Variants in XKR6 observed in about 807,000 individuals in gnomAD.
The protein encoded by XKR6 is XK related 6, also known as XK-related protein 6.
A neutral mutation model predicts 56.7 loss-of-function variants in XKR6; 22 were observed. The observed-to-expected ratio is 0.39, with a 90% CI of 0.28 to 0.55. XKR6 has a LOEUF of 0.55. Ranked by LOEUF, XKR6 falls within the 20% of genes least tolerant of loss-of-function variation. The pLI is 0.66. For missense variants in XKR6, 852 were observed against 889.0 expected (o/e 0.96, Z 0.53); for synonymous variants, 524 against 387.8 (o/e 1.35, Z -4.13).
At chr8:10,941,936 C>G (rs950520818) in intron 1 of XKR6, among the ~76,000 whole-genome samples, 1 of 152,226 alleles carries the variant, frequency 6.6e-6, no homozygotes, top group East Asian at 1.9e-4. Context: ...CACTCCGACC[C>G]CTTTGTGGCC....
At chr8:11,048,757 G>A (rs2129158789) in intron 1 of XKR6, among the ~76,000 whole-genome samples, 1 of 152,272 alleles carries the variant, frequency 6.6e-6, no homozygotes, top group Non-Finnish European at 1.5e-5. Flanking sequence ...TGAAGCCCCA[G>A]ACCTCCCGGT....
At chr8:11,090,390 A>G (rs1054832640) in intron 1 of XKR6, among the ~76,000 whole-genome samples, 6 of 144,384 alleles carry the variant, frequency 4.2e-5, no homozygotes, top group African/African-American at 1.6e-4. Flanking sequence ...ACCCACTTCC[A>G]GTCGCTTTTT....
intron 1 of XKR6, among the ~76,000 whole-genome samples, chr8:11,024,845 A>G (rs751323539): frequency 6.6e-6 from 1 of 152,248 alleles, no homozygotes; most frequent in Non-Finnish European, 1.5e-5. Flanking sequence ...AACTTCCAGA[A>G]GTGGACCATC....
intron 1 of XKR6, among the ~76,000 whole-genome samples, chr8:11,030,159 C>G (rs1259709492): frequency 6.6e-6 from 1 of 152,208 alleles, no homozygotes; most frequent in African/African-American, 2.4e-5. Flanking sequence ...AGTCCACCCC[C>G]TCTCTGTTGC....
At chr8:10,908,845 T>C (rs1392677912) in intron 2 of XKR6, among the ~76,000 whole-genome samples, 1 of 152,130 alleles carries the variant, frequency 6.6e-6, no homozygotes, top group African/African-American at 2.4e-5. Flanking sequence ...GGGTTGTTTA[T>C]CCAGGGAGTG....
At chr8:10,977,466 C>T (rs1300056706) in intron 1 of XKR6, among the ~76,000 whole-genome samples, 4 of 151,642 alleles carry the variant, frequency 2.6e-5, no homozygotes, top group African/African-American at 9.7e-5. Flanking sequence ...GTAAGTCCCC[C>T]GCCACTGGAG....
chr8:11,123,239 GA>G (rs58175998), intron 1 of XKR6: 20,965 of 89,888 alleles, frequency 0.23, 4,110 homozygotes, highest in African/African-American at 0.53. Context: ...TGTGTAGAAG[GA>G]AAAAAAAAAA....
At chr8:11,010,258 C>A (rs926587612) in intron 1 of XKR6, among the ~76,000 whole-genome samples, 2 of 152,198 alleles carry the variant, frequency 1.3e-5, no homozygotes, top group Non-Finnish European at 2.9e-5. Flanking sequence ...GGGAAGTCCA[C>A]CCCCATGATC....
intron 1 of XKR6, among the ~76,000 whole-genome samples, chr8:11,103,062 CA>C (rs1027903888): frequency 6.6e-6 from 1 of 151,970 alleles, no homozygotes; most frequent in Non-Finnish European, 1.5e-5. Context: ...ATATATTATA[CA>C]TAACACTAGT....
intron 1 of XKR6, among the ~76,000 whole-genome samples, chr8:11,077,207 T>A (rs1362599823): frequency 6.6e-6 from 1 of 152,076 alleles, no homozygotes; most frequent in African/African-American, 2.4e-5. Context: ...AAGCATTGTG[T>A]CCAGCTGCCG....
At chr8:10,904,934 G>A (rs1033921929) in intron 2 of XKR6, among the ~76,000 whole-genome samples, 22 of 152,146 alleles carry the variant, frequency 1.4e-4, no homozygotes, top group African/African-American at 4.8e-4. Context: ...CAGCCCCACC[G>A]CTAAGTCATG....
chr8:11,092,519 G>C lies in XKR6; in HGVS notation c.764+108057C>G, dbSNP rs1366202109. On this transcript the variant is annotated intron_variant, in intron 1 of 2. Coordinates refer to ENST00000416569, the MANE Select transcript of XKR6 (RefSeq NM_173683.4). ...AAAGATCTGATGCTCTGGAAGCCAT[G>C]ATGTGAAAGCTCTGCAGTGGGGACA... Among the ~76,000 whole-genome samples the C allele has an allele frequency of 2.0e-5, 3 of 152,302 alleles. No homozygotes were observed. In the East Asian group the frequency reaches 5.8e-4, roughly 29 times the overall value.
chr8:11,160,307 A>G (rs1183433164), intron 1 of XKR6, among the ~76,000 whole-genome samples: 1 of 152,172 alleles, frequency 6.6e-6, no homozygotes, highest in Admixed American at 6.5e-5. Flanking sequence ...ATTATGTTCA[A>G]TTCTGAGTAG....
intron 1 of XKR6, among the ~76,000 whole-genome samples, chr8:11,064,642 T>C (rs1238755336): frequency 6.6e-6 from 1 of 152,230 alleles, no homozygotes; most frequent in African/African-American, 2.4e-5. Flanking sequence ...GATACTTGCA[T>C]ACTCTATTCT....
chr8:11,060,654 G>GGGGAAGACA lies in XKR6; in HGVS notation c.765-135833_765-135825dup, dbSNP rs1799810156. Among the ~76,000 whole-genome samples the GGGGAAGACA allele has an allele frequency of 2.0e-5, 3 of 152,226 alleles. No individual in the cohort carries two copies. In the South Asian group the frequency reaches 6.2e-4, roughly 32 times the overall value. Reference sequence around the variant, plus strand: ...ACACAAAGGAGCTCGCAGTCTAGAAGGGGAAGACAGGGAAGACAAAGTGGA... The same window carrying GGGGAAGACA: ...ACACAAAGGAGCTCGCAGTCTAGAAGGGGAAGACAGGGAAGACAGGGAAGACAAAGTGGA... On this transcript the variant is annotated intron_variant, in intron 1 of 2. Transcript: ENST00000416569.
chr8:11,065,580 G>A (rs542749070), intron 1 of XKR6, among the ~76,000 whole-genome samples: 1 of 147,062 alleles, frequency 6.8e-6, no homozygotes, highest in South Asian at 2.2e-4. Context: ...TACTTAATAC[G>A]TTTTTTTTTT....
At chr8:11,139,757 C>T (rs1800590749) in intron 1 of XKR6, among the ~76,000 whole-genome samples, 1 of 152,172 alleles carries the variant, frequency 6.6e-6, no homozygotes, top group African/African-American at 2.4e-5. Context: ...CAGTGTATCT[C>T]CCAAGTCTCC....
At chr8:11,071,079 C>T (rs566895943) in intron 1 of XKR6, among the ~76,000 whole-genome samples, 131 of 152,252 alleles carry the variant, frequency 8.6e-4, no homozygotes, top group Non-Finnish European at 1.7e-3. Context: ...GGAACAGGGT[C>T]GTGAACAAAG....
chr8:11,102,899 AAACCTAT>A (rs1196303225), intron 1 of XKR6, among the ~76,000 whole-genome samples: 3 of 152,164 alleles, frequency 2.0e-5, no homozygotes, highest in Non-Finnish European at 4.4e-5. Context: ...TCTGAGTTTC[AAACCTAT>A]AAGGTGGTCA....
Sources: gnomAD v4.1 joint callset for allele counts (sites outside exome capture counted in the v4.1 genomes callset) on GRCh38, gnomAD v4.1.1 for gene constraint, MANE v1.5 for transcripts, NCBI Gene and HGNC (gene_info 2026-07-23, HGNC 2026-07-21) for gene names.